The following CEP70 variants were observed in gnomAD, a reference collection of about 807,000 sequenced individuals.
CEP70 encodes centrosomal protein 70, also known as centrosomal protein of 70 kDa.
Under a neutral mutation model 90.9 loss-of-function variants are expected in CEP70, and 70 were observed. That is an observed-to-expected ratio of 0.77 (90% CI 0.64 to 0.94). The LOEUF (loss-of-function observed/expected upper bound fraction) is 0.94. Among genes scored for constraint, CEP70 ranks in the 40% least tolerant of loss-of-function variants. The pLI is 0.00. For synonymous variants in CEP70, 220 were observed against 228.3 expected (o/e 0.96, Z 0.33); for missense variants, 648 against 669.0 (o/e 0.97, Z 0.35).
chr3:138,510,198 G>C (rs1400366040), intron 11 of CEP70, among the ~76,000 whole-genome samples: 1 of 151,374 alleles, frequency 6.6e-6, no homozygotes, highest in Admixed American at 6.6e-5. Context: ...AGGATCACCT[G>C]AGGTCAGGAG....
chr3:138,498,252 C>G (rs1387238511), intron 16 of CEP70, 142 bp from the exon 17 acceptor site: 4 of 581,056 alleles, frequency 6.9e-6, no homozygotes, highest in Non-Finnish European at 1.2e-5. Flanking sequence ...TCTTTTCTTT[C>G]TGAGCTTTTT....
chr3:138,536,485 T>A lies in CEP70; in HGVS notation c.635+693A>T, dbSNP rs117644093. On this transcript the variant is annotated intron_variant, in intron 7 of 17. Coordinates refer to ENST00000264982, the MANE Select transcript of CEP70 (RefSeq NM_024491.4). ...ACACAGAGAAACAAGTATTTCAAGA[T>A]ATTTTAGAAATATACATCTTGACTG... is the stretch of plus-strand genomic sequence containing the variant. Among the ~76,000 whole-genome samples the A allele has an allele frequency of 3.3e-5, 5 of 152,208 alleles. No individual in the cohort carries two copies. In the East Asian group the frequency reaches 7.7e-4, roughly 23 times the overall value.
chr3:138,567,289 A>G (rs1312407783), intron 6 of CEP70, among the ~76,000 whole-genome samples: 6 of 152,236 alleles, frequency 3.9e-5, no homozygotes, highest in Admixed American at 3.9e-4. Flanking sequence ...ATTGGAAACA[A>G]CTGTATACCA....
chr3:138,535,560 C>G (rs1576701658), intron 7 of CEP70, among the ~76,000 whole-genome samples: 3 of 152,186 alleles, frequency 2.0e-5, no homozygotes, highest in African/African-American at 7.2e-5. Flanking sequence ...GTAGTGGCTA[C>G]AACTCATGTA....
At chr3:138,508,735 A>C (rs551790533) in intron 11 of CEP70, among the ~76,000 whole-genome samples, 191 bp from the exon 12 acceptor site, 80 of 151,790 alleles carry the variant, frequency 5.3e-4, no homozygotes, top group African/African-American at 1.9e-3. Flanking sequence ...AGTTAAAAAA[A>C]ATTTTTTTTT....
At chr3:138,533,215 A>G (rs1344271922) in intron 7 of CEP70, among the ~76,000 whole-genome samples, 2 of 152,084 alleles carry the variant, frequency 1.3e-5, no homozygotes, top group South Asian at 4.2e-4. Context: ...CGGGAGGCGG[A>G]GCTTGCAGTG....
intron 12 of CEP70, among the ~76,000 whole-genome samples, chr3:138,506,291 G>C (rs1418265509): frequency 6.6e-6 from 1 of 152,118 alleles, no homozygotes; most frequent in Non-Finnish European, 1.5e-5. Context: ...CAAGGCTGCA[G>C]TGAGCTATGA....
intron 6 of CEP70, among the ~76,000 whole-genome samples, chr3:138,542,534 A>G (rs1576742963): frequency 1.3e-5 from 2 of 152,346 alleles, no homozygotes; most frequent in East Asian, 3.9e-4. Flanking sequence ...TGCTCTGGCC[A>G]GTGGCTCCTG....
At chr3:138,556,701 C>T (rs540292632) in intron 6 of CEP70, among the ~76,000 whole-genome samples, 42 of 152,010 alleles carry the variant, frequency 2.8e-4, no homozygotes, top group Admixed American at 7.2e-4. Context: ...CGGTAGGTTC[C>T]GTGATGCCTC....
At chr3:138,556,958 C>T (rs1459671804) in intron 6 of CEP70, among the ~76,000 whole-genome samples, 1 of 152,078 alleles carries the variant, frequency 6.6e-6, no homozygotes, top group East Asian at 1.9e-4. Flanking sequence ...CCGGTCTGAC[C>T]AAAATTTATT....
intron 6 of CEP70, among the ~76,000 whole-genome samples, chr3:138,546,973 A>G (rs1395522952): frequency 6.6e-6 from 1 of 152,192 alleles, no homozygotes; most frequent in Non-Finnish European, 1.5e-5. Context: ...AAAGGTTCTC[A>G]GCTTCTGGAA....
chr3:138,581,423 G>T (rs2041849658), intron 2 of CEP70, among the ~76,000 whole-genome samples: 1 of 151,996 alleles, frequency 6.6e-6, no homozygotes, highest in African/African-American at 2.4e-5. Context: ...GTTTATTCAG[G>T]CCGGGCGCAG....
At chr3:138,515,271 A>G (rs1463336597) in intron 11 of CEP70, among the ~76,000 whole-genome samples, 3 of 152,080 alleles carry the variant, frequency 2.0e-5, no homozygotes, top group Non-Finnish European at 4.4e-5. Flanking sequence ...TTTAAAATAT[A>G]TATTTTTTTG....
intron 6 of CEP70, among the ~76,000 whole-genome samples, chr3:138,540,689 T>A (rs2038686211): frequency 1.3e-5 from 2 of 152,316 alleles, no homozygotes; most frequent in South Asian, 4.1e-4. Flanking sequence ...AGTATGGCAA[T>A]TCCTCAAAGA....
intron 11 of CEP70, among the ~76,000 whole-genome samples, chr3:138,524,598 G>A (rs1026963574): frequency 2.0e-5 from 3 of 152,222 alleles, no homozygotes; most frequent in Admixed American, 6.5e-5. Context: ...CAACAAGTGG[G>A]CAAAGGATAT....
chr3:138,559,468 C>A (rs1480730697), intron 6 of CEP70, among the ~76,000 whole-genome samples: 1 of 152,228 alleles, frequency 6.6e-6, no homozygotes, highest in Non-Finnish European at 1.5e-5. Context: ...CCTGGTGGCT[C>A]ACGCCTGTAA....
intron 3 of CEP70, 104 bp downstream of exon 3, chr3:138,572,755 T>G: frequency 1.3e-6 from 1 of 797,842 alleles, no homozygotes; most frequent in Non-Finnish European, 2.2e-6. Flanking sequence ...TTCCTAAAAT[T>G]ATTTGAGAAA....
intron 5 of CEP70, 45 bp downstream of exon 5, chr3:138,570,989 G>C (rs759664602): frequency 7.7e-6 from 11 of 1,434,276 alleles, no homozygotes; most frequent in Admixed American, 5.0e-5. Flanking sequence ...GTTATTTTTA[G>C]AACGCATACA....
chr3:138,503,983 A>C (rs915807037), intron 13 of CEP70, among the ~76,000 whole-genome samples: 1 of 152,218 alleles, frequency 6.6e-6, no homozygotes, highest in African/African-American at 2.4e-5. Flanking sequence ...ATGATAAACG[A>C]TCAATAACTA....
Sources: allele counts gnomAD v4.1 joint callset (sites outside exome capture counted in the v4.1 genomes callset), GRCh38; gene constraint gnomAD v4.1.1; transcripts MANE v1.5; gene names NCBI Gene and HGNC (gene_info 2026-07-23, HGNC 2026-07-21).